Variants in MGAT4A observed in about 807,000 individuals in gnomAD.
MGAT4A encodes the protein alpha-1,3-mannosyl-glycoprotein 4-beta-N-acetylglucosaminyltransferase A.
In MGAT4A, 33 loss-of-function variants were observed where a neutral mutation model predicts 74.1. The ratio of observed to expected loss-of-function variants is 0.45; its 90% CI spans 0.34 to 0.60. The LOEUF (loss-of-function observed/expected upper bound fraction) is 0.60. Ranked by LOEUF, MGAT4A falls within the 20% of genes least tolerant of loss-of-function variation. The pLI, the probability that MGAT4A is intolerant of heterozygous loss-of-function variation, is 0.02. For missense variants in MGAT4A, 479 were observed against 628.3 expected (o/e 0.76, Z 2.54); for synonymous variants, 198 against 210.4 (o/e 0.94, Z 0.51).
intron 14 of MGAT4A, 83 bp downstream of exon 14, chr2:98,635,139 T>G: frequency 9.9e-7 from 1 of 1,007,432 alleles, no homozygotes; most frequent in Admixed American, 2.4e-5. Context: ...ATCCTCAAGT[T>G]GCTTAACATC....
At chr2:98,645,024 G>A (rs1367511124) in intron 9 of MGAT4A, among the ~76,000 whole-genome samples, 5 of 152,094 alleles carry the variant, frequency 3.3e-5, no homozygotes, top group African/African-American at 1.2e-4. Context: ...AGAGAAAAAC[G>A]AATAAAAATT....
chr2:98,648,541 G>C (rs950861394), intron 8 of MGAT4A, among the ~76,000 whole-genome samples: 4 of 150,434 alleles, frequency 2.7e-5, no homozygotes, highest in Non-Finnish European at 5.9e-5. Flanking sequence ...GTGAGACCCT[G>C]TTTTTACAAA....
chr2:98,651,510 T>C (rs1187453024), intron 8 of MGAT4A, among the ~76,000 whole-genome samples: 1 of 152,156 alleles, frequency 6.6e-6, no homozygotes, highest in African/African-American at 2.4e-5. Context: ...CTGTTATAAC[T>C]TTAAGATATG....
intron 2 of MGAT4A, among the ~76,000 whole-genome samples, chr2:98,686,848 G>GA (rs1159033499): frequency 6.6e-6 from 1 of 152,128 alleles, no homozygotes; most frequent in Non-Finnish European, 1.5e-5. Flanking sequence ...CTTCCCTTGG[G>GA]AAAGGGCAAT....
chr2:98,673,595 C>A (rs1047625779), intron 4 of MGAT4A, among the ~76,000 whole-genome samples: 1 of 151,816 alleles, frequency 6.6e-6, no homozygotes, highest in African/African-American at 2.4e-5. Flanking sequence ...GCTGGTTGAC[C>A]AAGATTTTAT....
intron 2 of MGAT4A, among the ~76,000 whole-genome samples, chr2:98,683,298 T>C (rs988170926): frequency 1.3e-5 from 2 of 152,180 alleles, no homozygotes; most frequent in Admixed American, 6.5e-5. Flanking sequence ...ATGGGTATGA[T>C]TGTGCCAATG....
At chr2:98,653,488 A>C (rs1358502911) in intron 8 of MGAT4A, among the ~76,000 whole-genome samples, 1 of 152,032 alleles carries the variant, frequency 6.6e-6, no homozygotes, top group East Asian at 1.9e-4. Flanking sequence ...GAAATGAAAG[A>C]GGGAACATAA....
chr2:98,705,112 CT>C (rs1702405917), intron 2 of MGAT4A, among the ~76,000 whole-genome samples: 1 of 152,182 alleles, frequency 6.6e-6, no homozygotes, highest in Non-Finnish European at 1.5e-5. Context: ...TATTGAGCTT[CT>C]AGATCTTAAT....
chr2:98,705,963 A>G (rs1321530028), intron 2 of MGAT4A, among the ~76,000 whole-genome samples: 5 of 151,562 alleles, frequency 3.3e-5, no homozygotes, highest in African/African-American at 7.3e-5. Context: ...AAAAAAAAAA[A>G]AAAAAAAAGA....
rs760537016 is a variant in MGAT4A at position 98,623,107 on chromosome 2, G to A, written c.*2459C>T. On this transcript the variant is annotated 3_prime_UTR_variant, in exon 16 of 16. Transcript: ENST00000393487. ...CAGATGCTGACTGGCCACCTGCCACGTGCCTGGCACACACCCTAGGCACGG... is the reference window on the plus strand; with the variant it reads ...CAGATGCTGACTGGCCACCTGCCACATGCCTGGCACACACCCTAGGCACGG... The A allele has an allele frequency of 3.6e-4, 351 of 985,460 alleles. No individual in the cohort carries two copies. Among genetic ancestry groups the A allele is most frequent in the Non-Finnish European group, 4.1e-4 (342 of 829,970 alleles). 61.0% of individuals were successfully genotyped at this position (985,460 alleles called of 1,614,324 possible).
In MGAT4A at chr2:98,689,092, A is replaced by T. The variant is rs75630630; in HGVS notation, c.95-10621T>A. ...CTGGAGGATGGTACATAGTGACATAAATCACCACTATTATATCATCTTTTA... is the reference window on the plus strand; with the variant it reads ...CTGGAGGATGGTACATAGTGACATATATCACCACTATTATATCATCTTTTA... On this transcript the variant is annotated intron_variant, in intron 2 of 15. Coordinates refer to ENST00000393487, the MANE Select transcript of MGAT4A (RefSeq NM_012214.3). 9.4e-3 allele frequency among the ~76,000 whole-genome samples: 1,437 copies of T among 152,336 alleles called. 28 individuals are homozygous for T. The highest frequency in any genetic ancestry group is 0.033 in the African/African-American group (1,390 of 41,572).
At chr2:98,680,426 A>G (rs1702043800) in intron 2 of MGAT4A, among the ~76,000 whole-genome samples, 1 of 152,186 alleles carries the variant, frequency 6.6e-6, no homozygotes, top group Non-Finnish European at 1.5e-5. Flanking sequence ...TGAAAAATGA[A>G]TCTGCAGTCT....
At chr2:98,702,638 G>A (rs528435090) in intron 2 of MGAT4A, among the ~76,000 whole-genome samples, 3 of 152,294 alleles carry the variant, frequency 2.0e-5, no homozygotes, top group Non-Finnish European at 2.9e-5. Flanking sequence ...TTGCAGTACC[G>A]TGTGCTCCAC....
chr2:98,667,429 A>G (rs1192633106), intron 4 of MGAT4A, among the ~76,000 whole-genome samples: 2 of 152,192 alleles, frequency 1.3e-5, no homozygotes, highest in East Asian at 3.9e-4. Flanking sequence ...GACTTGTTGA[A>G]TGGCTTTGAC....
rs775112797 is a variant in MGAT4A, at chr2:98,663,196, T to G, written c.404-17A>C. On this transcript the variant is annotated splice_polypyrimidine_tract_variant and intron_variant, in intron 4 of 15. Coordinates refer to ENST00000393487, the MANE Select transcript of MGAT4A (RefSeq NM_012214.3). ...CTATTGAAACTGGAAAAAAAAATAG[T>G]AATTATATTAAAAAACTGTACAAGG... The G allele has an allele frequency of 2.2e-5, 34 of 1,562,326 alleles. No individual in the cohort carries two copies. The highest frequency in any genetic ancestry group is 6.8e-5 in the East Asian group (3 of 44,380).
chr2:98,729,214 A>G (rs1213351693), intron 1 of MGAT4A, among the ~76,000 whole-genome samples: 2 of 152,150 alleles, frequency 1.3e-5, no homozygotes, highest in African/African-American at 2.4e-5. Flanking sequence ...CTCTGAAGAT[A>G]CTTACAATAA....
rs1430926136 is a variant in MGAT4A at position 98,623,125 on chromosome 2, A to T, written c.*2441T>A. ...CTGCCACGTGCCTGGCACACACCCTAGGCACGGGTAGATTCATGGGGAGAG... is the reference window on the plus strand; with the variant it reads ...CTGCCACGTGCCTGGCACACACCCTTGGCACGGGTAGATTCATGGGGAGAG... On this transcript the variant is annotated 3_prime_UTR_variant, in exon 16 of 16. Coordinates refer to ENST00000393487, the MANE Select transcript of MGAT4A (RefSeq NM_012214.3). 5 of 985,372 alleles carry T rather than the reference A, an allele frequency of 5.1e-6. No individual in the cohort carries two copies. The highest frequency in any genetic ancestry group is 6.0e-6 in the Non-Finnish European group (5 of 829,974). 61.0% of individuals were successfully genotyped at this position (985,372 alleles called of 1,614,324 possible). A position where few individuals can be genotyped will look rare whatever the true frequency, so the allele number is the denominator to read the frequency against.
At chr2:98,640,365 G>C in intron 10 of MGAT4A, 137 bp from the exon 11 acceptor site, 1 of 682,756 alleles carries the variant, frequency 1.5e-6, no homozygotes, top group Non-Finnish European at 2.5e-6. Context: ...ATCCCAGCAT[G>C]TTGAAAGGCC....
intron 5 of MGAT4A, among the ~76,000 whole-genome samples, chr2:98,661,042 T>C (rs1359991886): frequency 2.0e-5 from 3 of 152,072 alleles, no homozygotes; most frequent in African/African-American, 7.2e-5. Flanking sequence ...ATATCCAAAA[T>C]ATATAAGGAA....
Sources: gnomAD v4.1 joint callset for allele counts (sites outside exome capture counted in the v4.1 genomes callset) on GRCh38, gnomAD v4.1.1 for gene constraint, MANE v1.5 for transcripts, NCBI Gene and HGNC (gene_info 2026-07-23, HGNC 2026-07-21) for gene names.